KIF27: variants seen among roughly 807,000 people sequenced by gnomAD.
KIF27 encodes kinesin-like protein KIF27.
KIF27 carries 84 observed loss-of-function variants against 141.8 expected under a neutral mutation model. The ratio of observed to expected loss-of-function variants is 0.59; its 90% CI spans 0.50 to 0.71. KIF27 has a LOEUF of 0.71. KIF27 is among the 30% of genes least tolerant of loss of function. The probability of loss-of-function intolerance (pLI) is 0.00; values close to 1 mark genes in which losing one functional copy is unlikely to be tolerated. For missense variants in KIF27, 1,306 were observed against 1,628.4 expected (o/e 0.80, Z 3.41); for synonymous variants, 471 against 569.5 (o/e 0.83, Z 2.46).
chr9:83,880,138 A>C (rs1161747927), intron 11 of KIF27, 159 bp downstream of exon 11: 5 of 1,053,882 alleles, frequency 4.7e-6, no homozygotes, highest in Non-Finnish European at 6.8e-6. Context: ...AGGTTTTACT[A>C]CGTAGATGAA....
intron 11 of KIF27, among the ~76,000 whole-genome samples, chr9:83,876,216 C>T (rs1289336625): frequency 2.0e-5 from 3 of 152,020 alleles, no homozygotes; most frequent in Non-Finnish European, 2.9e-5. Flanking sequence ...ATACTCCATC[C>T]CAGGTGAGTA....
intron 11 of KIF27, 165 bp downstream of exon 11, chr9:83,880,132 T>C: frequency 9.9e-7 from 1 of 1,005,744 alleles, no homozygotes; most frequent in Non-Finnish European, 1.4e-6. Context: ...ATAAGTAGGT[T>C]TTACTACGTA....
At chr9:83,853,530 T>G (rs1948845400) in intron 15 of KIF27, 99 bp downstream of exon 15, 7 of 775,128 alleles carry the variant, frequency 9.0e-6, no homozygotes, top group Middle Eastern at 2.7e-4. Context: ...CATCAAATCT[T>G]TAAGCCTTTC....
intron 2 of KIF27, among the ~76,000 whole-genome samples, chr9:83,909,353 G>T (rs1019716228): frequency 2.0e-5 from 3 of 152,188 alleles, no homozygotes; most frequent in Non-Finnish European, 2.9e-5. Context: ...GCTCATGCCT[G>T]TAATCCCAGA....
chr9:83,875,352 T>C (rs1951128287), intron 11 of KIF27, among the ~76,000 whole-genome samples: 1 of 152,148 alleles, frequency 6.6e-6, no homozygotes, highest in Non-Finnish European at 1.5e-5. Flanking sequence ...GTAAGGCACA[T>C]TGGAGAACTA....
chr9:83,893,757 A>G (rs1952906769), intron 5 of KIF27, among the ~76,000 whole-genome samples: 4 of 152,096 alleles, frequency 2.6e-5, no homozygotes, highest in African/African-American at 9.7e-5. Context: ...AAAGGGCAGA[A>G]ATTAGTGAAA....
chr9:83,889,009 A>G (rs1952402998), intron 7 of KIF27, 75 bp downstream of exon 7: 1 of 1,473,108 alleles, frequency 6.8e-7, no homozygotes, highest in Admixed American at 2.3e-5. Context: ...ACTCCAATGG[A>G]AAAAACCTAC....
At chr9:83,860,751 C>T (rs1412031011) in intron 13 of KIF27, among the ~76,000 whole-genome samples, 2 of 152,158 alleles carry the variant, frequency 1.3e-5, no homozygotes, top group Admixed American at 6.5e-5. Context: ...TGGGTCTTCC[C>T]TTTGGTATTT....
intron 2 of KIF27, 34 bp downstream of exon 2, chr9:83,915,260 C>G: frequency 3.2e-6 from 5 of 1,543,740 alleles, no homozygotes; most frequent in Non-Finnish European, 4.4e-6. Context: ...TTTCTAGCGT[C>G]ACAAATAAAA....
chr9:83,875,414 T>C (rs1276210283), intron 11 of KIF27, among the ~76,000 whole-genome samples: 52 of 152,060 alleles, frequency 3.4e-4, no homozygotes, highest in Non-Finnish European at 1.3e-4. Context: ...GAAAGGTAAG[T>C]AAGGAAGATC....
chr9:83,851,324 A>C (rs1426401644), intron 15 of KIF27, among the ~76,000 whole-genome samples: 1 of 152,186 alleles, frequency 6.6e-6, no homozygotes, highest in Non-Finnish European at 1.5e-5. Context: ...GGATGTTATA[A>C]ATAAGTGACA....
rs1401219561 is a variant in KIF27 at position 83,910,083 on chromosome 9, ATACG to A, written c.299-1435_299-1432del. Among the ~76,000 whole-genome samples the A allele has an allele frequency of 5.1e-5, 5 of 98,406 alleles. No homozygotes were observed. The South Asian group carries it at 9.2e-4, about 18-fold the overall frequency. 64.6% of individuals were successfully genotyped at this position (98,406 alleles called of 152,430 possible). A position where few individuals can be genotyped will look rare whatever the true frequency, so the allele number is the denominator to read the frequency against. On this transcript the variant is annotated intron_variant, in intron 2 of 17. Transcript: ENST00000297814. ...CATACATACATACATACATACATAC[ATACG>A]TACGTACTTACATACATAATCTTTC...
intron 3 of KIF27, among the ~76,000 whole-genome samples, chr9:83,906,007 T>C (rs1954483882): frequency 6.6e-6 from 1 of 152,244 alleles, no homozygotes; most frequent in Non-Finnish European, 1.5e-5. Context: ...TGAAGTATTT[T>C]GATCAAGTTT....
At chr9:83,843,804 C>T (rs1946870306) in intron 16 of KIF27, among the ~76,000 whole-genome samples, 1 of 152,152 alleles carries the variant, frequency 6.6e-6, no homozygotes, top group Non-Finnish European at 1.5e-5. Flanking sequence ...CTTACTACAG[C>T]TTCAACCTCC....
intron 13 of KIF27, among the ~76,000 whole-genome samples, chr9:83,861,571 GTCTATCATTGTTGGACATTTGGGTTGGT>G (rs1206811316): frequency 6.6e-5 from 10 of 152,232 alleles, no homozygotes; most frequent in Middle Eastern, 3.4e-3. Context: ...TCTTAATCCA[GTCTATCATTGTTGGACATTTGGGTTGGT>G]TCCAAGTCTT....
chr9:83,871,691 C>CT (rs1372606607), intron 11 of KIF27, among the ~76,000 whole-genome samples: 3,989 of 143,202 alleles, frequency 0.028, 152 homozygotes, highest in African/African-American at 0.088. Context: ...CCATCCACAT[C>CT]TTTTTTTTTT....
Position 83,891,367 on chromosome 9 carries a change from T to A in KIF27, c.1737A>T (p.Arg579Ser). The change falls in exon 6 of 18, where the codon AGA becomes AGT. Residue 579 changes from arginine to serine, a missense_variant. Coordinates refer to ENST00000297814, the MANE Select transcript of KIF27 (RefSeq NM_017576.4). ...GAGTATCAAATGGTACAGTATATGG[T>A]CTCCTTTCAGGGATCCTGGCATCTG... ...DGPDARIPER[R>S]PYTVPFDTHL... is the part of the protein sequence containing the mutation. 1 of 1,613,706 alleles carries A rather than the reference T, an allele frequency of 6.2e-7. No homozygotes were observed. Among genetic ancestry groups the A allele is most frequent in the Non-Finnish European group, 8.5e-7 (1 of 1,179,690 alleles).
rs146210501 is a variant in KIF27, at chr9:83,903,464, C to T, written c.1054G>A (p.Glu352Lys). The change falls in exon 4 of 18, where the codon GAG (glutamate) becomes AAG (lysine). Residue 352 changes from glutamate (E) to lysine (K), a missense_variant. Glu to Lys is a moderately conservative substitution (Grantham distance 56, BLOSUM62 1). Coordinates refer to ENST00000297814, the MANE Select transcript of KIF27 (RefSeq NM_017576.4). ...TCCATTTCATCTATACGGTCTGACT[C>T]GGGGCTGAAGTTTACAGTGGGTTTG... Reference protein sequence around the residue: ...RNKPTVNFSPESDRIDEMEFE... With the variant: ...RNKPTVNFSPKSDRIDEMEFE... 20 of 1,614,078 alleles carry T rather than the reference C, an allele frequency of 1.2e-5. No homozygotes were observed. Among genetic ancestry groups the T allele is most frequent in the Admixed American group, 8.3e-5 (5 of 60,002 alleles).
rs1945605657 is a variant in KIF27, at chr9:83,834,678, T to G, written c.*2323A>C. On this transcript the variant is annotated 3_prime_UTR_variant, in exon 18 of 18. Transcript: ENST00000297814. Reference sequence around the variant, plus strand: ...CCTAAATAACGCATAGCACATTACTTAATCTTATAAGGAACTTATTATTAG... The same window carrying G: ...CCTAAATAACGCATAGCACATTACTGAATCTTATAAGGAACTTATTATTAG... Among the ~76,000 whole-genome samples the G allele has an allele frequency of 6.6e-6, 1 of 151,664 alleles. No individual in the cohort carries two copies. The highest frequency in any genetic ancestry group is 1.5e-5 in the Non-Finnish European group (1 of 67,804).
Sources: allele counts gnomAD v4.1 joint callset (sites outside exome capture counted in the v4.1 genomes callset), GRCh38; gene constraint gnomAD v4.1.1; transcripts MANE v1.5; gene names NCBI Gene and HGNC (gene_info 2026-07-23, HGNC 2026-07-21).